The following THSD4 variants were observed in gnomAD, a reference collection of about 807,000 sequenced individuals.
THSD4 encodes the protein thrombospondin type 1 domain containing 4, also known as thrombospondin type-1 domain-containing protein 4.
THSD4 carries 69 observed loss-of-function variants against 119.0 expected under a neutral mutation model. The ratio of observed to expected loss-of-function variants is 0.58; its 90% CI spans 0.48 to 0.71. THSD4 has a LOEUF of 0.71. Ranked by LOEUF, THSD4 falls within the 30% of genes least tolerant of loss-of-function variation. THSD4 has a pLI of 0.00. For missense variants in THSD4, 1,393 were observed against 1,391.1 expected (o/e 1.00, Z -0.02); for synonymous variants, 524 against 540.4 (o/e 0.97, Z 0.42).
intron 7 of THSD4, among the ~76,000 whole-genome samples, chr15:71,552,498 A>G (rs2048947508): frequency 6.6e-6 from 1 of 152,246 alleles, no homozygotes; most frequent in South Asian, 2.1e-4. Context: ...TTCGTGGTAC[A>G]CAATTCTCCC....
At chr15:71,141,673 T>G (rs2040605899) in intron 2 of THSD4, 117 bp downstream of exon 2, 22 of 1,181,418 alleles carry the variant, frequency 1.9e-5, no homozygotes, top group Non-Finnish European at 2.6e-5. Context: ...CTGATATTTT[T>G]GATATAATAC....
At chr15:71,281,763 A>G (rs1378799570) in intron 6 of THSD4, among the ~76,000 whole-genome samples, 5 of 152,226 alleles carry the variant, frequency 3.3e-5, no homozygotes, top group Admixed American at 3.3e-4. Context: ...ATGAGTTTGT[A>G]TATATGAAAG....
intron 7 of THSD4, among the ~76,000 whole-genome samples, chr15:71,581,376 C>A (rs28855371): frequency 0.066 from 9,975 of 152,010 alleles, 865 homozygotes; most frequent in East Asian, 0.43. Flanking sequence ...AATGTCTATT[C>A]TGTTATTTGA....
At chr15:71,123,615 A>T (rs542598141) in intron 1 of THSD4, among the ~76,000 whole-genome samples, 241 of 152,272 alleles carry the variant, frequency 1.6e-3, no homozygotes, top group African/African-American at 5.6e-3. Flanking sequence ...CGGGCAGGTG[A>T]GAGGAAAATC....
At chr15:71,317,528 G>A (rs1480234490) in intron 6 of THSD4, among the ~76,000 whole-genome samples, 2 of 152,110 alleles carry the variant, frequency 1.3e-5, no homozygotes, top group East Asian at 1.9e-4. Context: ...AGAACAGCAG[G>A]GGAAAAACAC....
intron 1 of THSD4, among the ~76,000 whole-genome samples, chr15:71,135,407 A>AAC (rs2040542096): frequency 6.6e-6 from 1 of 150,532 alleles, no homozygotes; most frequent in South Asian, 2.1e-4. Context: ...AAAAAAAAAA[A>AAC]AGAAGAAGCT....
intron 7 of THSD4, among the ~76,000 whole-genome samples, chr15:71,642,459 C>G (rs943249191): frequency 6.6e-6 from 1 of 151,996 alleles, no homozygotes; most frequent in African/African-American, 2.4e-5. Flanking sequence ...GGTATATACC[C>G]AAAGGACTAT....
At chr15:71,453,299 T>C (rs1223717500) in intron 7 of THSD4, among the ~76,000 whole-genome samples, 1 of 152,182 alleles carries the variant, frequency 6.6e-6, no homozygotes, top group African/African-American at 2.4e-5. Flanking sequence ...GCCAAGCCCT[T>C]TCAGAATTCA....
chr15:71,269,735 A>G (rs1286432736), intron 6 of THSD4, among the ~76,000 whole-genome samples: 1 of 152,232 alleles, frequency 6.6e-6, no homozygotes, highest in Non-Finnish European at 1.5e-5. Context: ...TTAAGCTGAT[A>G]AGCAACTTCA....
rs145820143 is a variant in THSD4 at position 71,302,852 on chromosome 15, C to T, written c.1015+46137C>T. ...GCCCCCAAGATGCTGCACCTGCCGC[C>T]GCCTCATTTAGCCCTACAACCCCCT... is the stretch of plus-strand genomic sequence containing the variant. On this transcript the variant is annotated intron_variant, in intron 6 of 17. Coordinates refer to ENST00000261862, the MANE Select transcript of THSD4 (RefSeq NM_024817.3). Among the ~76,000 whole-genome samples the T allele has an allele frequency of 2.9e-3, 446 of 152,162 alleles. 1 individual carries two copies. Among genetic ancestry groups the T allele is most frequent in the African/African-American group, 0.01 (427 of 41,512 alleles).
intron 7 of THSD4, among the ~76,000 whole-genome samples, chr15:71,501,968 T>A (rs755073495): frequency 2.0e-5 from 3 of 152,256 alleles, no homozygotes; most frequent in Admixed American, 1.3e-4. Context: ...TAACTATGTT[T>A]AAGATCTGCC....
intron 6 of THSD4, among the ~76,000 whole-genome samples, chr15:71,379,450 C>CGTTTTTTTTTTTTTTTTTTTT (rs1566962165): frequency 1.3e-5 from 1 of 77,562 alleles, no homozygotes; most frequent in Non-Finnish European, 2.4e-5. Context: ...CAAATGGCTT[C>CGTTTTTTTTTTTTTTTTTTTT]TTTTTTTTTT....
At chr15:71,304,149 G>T (rs925251748) in intron 6 of THSD4, among the ~76,000 whole-genome samples, 5 of 152,154 alleles carry the variant, frequency 3.3e-5, no homozygotes, top group Admixed American at 6.5e-5. Flanking sequence ...GCTTGCTCTG[G>T]GAGGCATATT....
chr15:71,773,794 A>G (rs903587321), intron 17 of THSD4, among the ~76,000 whole-genome samples: 2 of 152,242 alleles, frequency 1.3e-5, no homozygotes, highest in African/African-American at 4.8e-5. Context: ...GTACCTGAGT[A>G]CATGGGTACA....
At chr15:71,737,492 A>G (rs1337386686) in intron 10 of THSD4, among the ~76,000 whole-genome samples, 3 of 152,142 alleles carry the variant, frequency 2.0e-5, no homozygotes, top group Non-Finnish European at 2.9e-5. Flanking sequence ...TGAACTGTCT[A>G]TGGCTCACAA....
intron 3 of THSD4, among the ~76,000 whole-genome samples, chr15:71,170,612 C>T (rs1460814998): frequency 6.6e-6 from 1 of 152,118 alleles, no homozygotes; most frequent in Admixed American, 6.6e-5. Context: ...ATAAAAATAT[C>T]CAGCACCCAA....
At chr15:71,625,108 G>A (rs1057476471) in intron 7 of THSD4, among the ~76,000 whole-genome samples, 1 of 152,158 alleles carries the variant, frequency 6.6e-6, no homozygotes, top group African/African-American at 2.4e-5. Context: ...CCAGGTTCAA[G>A]TGATTCTCCT....
At position 71,780,595 on chromosome 15, in the gene THSD4, A is replaced by T. The variant is rs990894816; in HGVS notation, c.*3221A>T. ...CTAGAGGGAGTCAGTTCAGTTCCGT[A>T]AAGGTATGCTCAGTGCCCGCTGCCT... On this transcript the variant is annotated 3_prime_UTR_variant, in exon 18 of 18. Coordinates refer to ENST00000261862, the MANE Select transcript of THSD4 (RefSeq NM_024817.3). 2.3e-6 allele frequency: 1 copy of T among 442,682 alleles called. No individual in the cohort carries two copies. The highest frequency in any genetic ancestry group is 4.5e-6 in the Non-Finnish European group (1 of 221,882). 27.4% of individuals were successfully genotyped at this position (442,682 alleles called of 1,614,324 possible).
intron 3 of THSD4, among the ~76,000 whole-genome samples, chr15:71,156,109 T>C (rs150604195): frequency 1.3e-5 from 2 of 152,186 alleles, no homozygotes; most frequent in Admixed American, 6.5e-5. Flanking sequence ...CAATGCATGA[T>C]AGGACTCTTA....
Sources: gnomAD v4.1 joint callset for allele counts (sites outside exome capture counted in the v4.1 genomes callset) on GRCh38, gnomAD v4.1.1 for gene constraint, MANE v1.5 for transcripts, NCBI Gene and HGNC (gene_info 2026-07-23, HGNC 2026-07-21) for gene names.